The following GABPB1 variants were observed in gnomAD, a reference collection of about 807,000 sequenced individuals.
The protein encoded by GABPB1 is GA binding protein transcription factor subunit beta 1.
Under a neutral mutation model 45.9 loss-of-function variants are expected in GABPB1, and 15 were observed. The ratio of observed to expected loss-of-function variants is 0.33; its 90% CI spans 0.22 to 0.50. The LOEUF (loss-of-function observed/expected upper bound fraction) is 0.50, where lower values mean the gene tolerates loss of function less well. Among genes scored for constraint, GABPB1 ranks in the 20% least tolerant of loss-of-function variants. The probability of loss-of-function intolerance (pLI) is 0.98; values close to 1 mark genes in which losing one functional copy is unlikely to be tolerated. For missense variants in GABPB1, 252 were observed against 457.5 expected (o/e 0.55, Z 4.10); for synonymous variants, 143 against 154.4 (o/e 0.93, Z 0.55).
chr15:50,321,765 T>C (rs1029587853), intron 1 of GABPB1, among the ~76,000 whole-genome samples: 1 of 151,702 alleles, frequency 6.6e-6, no homozygotes, highest in Non-Finnish European at 1.5e-5. Context: ...TGGCACACAG[T>C]AGAAACTCCA....
At chr15:50,353,845 T>C (rs2048960960) in intron 1 of GABPB1, 1 of 153,318 alleles carries the variant, frequency 6.5e-6, no homozygotes, top group Admixed American at 6.5e-5. Context: ...ATCAAACCTT[T>C]TTCTAGATAA....
rs899308361 is a variant in GABPB1 at position 50,345,585 on chromosome 15, A to G, written c.-1+9400T>C. 3.5e-4 allele frequency among the ~76,000 whole-genome samples: 54 copies of G among 152,264 alleles called. 1 individual carries two copies. Among genetic ancestry groups the G allele is most frequent in the African/African-American group, 1.2e-3 (51 of 41,474 alleles). ...CGAAAAAAAAGTAAAAACTCACGGC[A>G]GCAATTGTAATTCAATTCTTAAAAT... On this transcript the variant is annotated intron_variant, in intron 1 of 8. Coordinates refer to ENST00000380877, the MANE Select transcript of GABPB1 (RefSeq NM_016654.5).
At chr15:50,292,818 T>C (rs2046392749) in intron 6 of GABPB1, among the ~76,000 whole-genome samples, 1 of 150,798 alleles carries the variant, frequency 6.6e-6, no homozygotes, top group Admixed American at 6.7e-5. Flanking sequence ...CCTACTTTCA[T>C]ATAACTTAGC....
At chr15:50,349,895 G>A (rs1029306256) in intron 1 of GABPB1, 1 of 152,152 alleles carries the variant, frequency 6.6e-6, no homozygotes, top group African/African-American at 2.4e-5. Context: ...ACAATCACCT[G>A]TAAAACTACA....
At chr15:50,282,227 A>G (rs1364145328) in intron 8 of GABPB1, 1 of 449,996 alleles carries the variant, frequency 2.2e-6, no homozygotes, top group Non-Finnish European at 4.4e-6. Flanking sequence ...ATACAAACAT[A>G]CATACATACA....
At chr15:50,327,176 A>T (rs2047799358) in intron 1 of GABPB1, 1 of 152,262 alleles carries the variant, frequency 6.6e-6, no homozygotes, top group Non-Finnish European at 1.5e-5. Flanking sequence ...TGATTTAATC[A>T]GGGAAGTATA....
chr15:50,322,413 G>A (rs2047604973), intron 1 of GABPB1, among the ~76,000 whole-genome samples: 1 of 151,698 alleles, frequency 6.6e-6, no homozygotes, highest in South Asian at 2.1e-4. Context: ...GGGCATGGTG[G>A]TGCATGCCTG....
At chr15:50,337,075 G>GTGTGTATATATATATA (rs1283881585) in intron 1 of GABPB1, among the ~76,000 whole-genome samples, 1 of 14,212 alleles carries the variant, frequency 7.0e-5, no homozygotes, top group Non-Finnish European at 1.3e-4. Context: ...ATATGTGTGT[G>GTGTGTATATATATATA]TATATATATA....
At chr15:50,310,545 G>C (rs1167407701) in intron 1 of GABPB1, among the ~76,000 whole-genome samples, 1 of 152,182 alleles carries the variant, frequency 6.6e-6, no homozygotes, top group East Asian at 1.9e-4. Flanking sequence ...TTTTGCAATA[G>C]TAAATGTGTT....
intron 5 of GABPB1, 77 bp from the exon 6 acceptor site, chr15:50,300,979 T>C (rs1481817249): frequency 6.3e-6 from 6 of 946,254 alleles, no homozygotes; most frequent in Non-Finnish European, 9.9e-6. Context: ...CTATTTATCT[T>C]ACTGACTCTT....
intron 1 of GABPB1, among the ~76,000 whole-genome samples, chr15:50,317,866 G>A (rs1392193415): frequency 1.3e-5 from 2 of 149,804 alleles, no homozygotes; most frequent in South Asian, 2.1e-4. Flanking sequence ...CCGAGATCGC[G>A]CCACCGCACT....
chr15:50,312,470 C>T (rs1341535327), intron 1 of GABPB1, among the ~76,000 whole-genome samples: 1 of 152,162 alleles, frequency 6.6e-6, no homozygotes, highest in Non-Finnish European at 1.5e-5. Context: ...GATTACTGAT[C>T]TCCAATGAGG....
intron 1 of GABPB1, among the ~76,000 whole-genome samples, chr15:50,328,354 T>C (rs1023041936): frequency 3.3e-5 from 5 of 152,172 alleles, no homozygotes; most frequent in Non-Finnish European, 7.4e-5. Flanking sequence ...CTCCCGTTTT[T>C]CTCCCTCATG....
At chr15:50,285,839 C>T in intron 8 of GABPB1, 3 of 1,305,410 alleles carry the variant, frequency 2.3e-6, no homozygotes, top group Non-Finnish European at 2.9e-6. Flanking sequence ...CCAGTGTTAT[C>T]AAGATGACAG....
chr15:50,283,927 C>T (rs912483519), intron 8 of GABPB1, among the ~76,000 whole-genome samples: 22 of 152,134 alleles, frequency 1.4e-4, no homozygotes, highest in African/African-American at 5.1e-4. Flanking sequence ...CTTTAAGTTT[C>T]TCAATCTCAG....
At chr15:50,324,034 T>A (rs1026744092) in intron 1 of GABPB1, among the ~76,000 whole-genome samples, 6 of 152,030 alleles carry the variant, frequency 3.9e-5, no homozygotes, top group Non-Finnish European at 8.8e-5. Context: ...AAACTCTATC[T>A]CTACAAAAAA....
At chr15:50,282,560 G>GAAAAAAAAAAAACA (rs2046014999) in intron 8 of GABPB1, among the ~76,000 whole-genome samples, 7 of 88,990 alleles carry the variant, frequency 7.9e-5, no homozygotes, top group Non-Finnish European at 1.4e-4. Context: ...CCTTAAAAAA[G>GAAAAAAAAAAAACA]AAAAAAAAAA....
rs571956373 is a variant in GABPB1 at position 50,280,571 on chromosome 15, C to T, written c.1000-1787G>A. 1.2e-4 allele frequency among the ~76,000 whole-genome samples: 18 copies of T among 152,064 alleles called. No homozygotes were observed. The East Asian group carries it at 3.5e-3, about 29-fold the overall frequency. On this transcript the variant is annotated intron_variant, in intron 8 of 8. Coordinates refer to ENST00000380877, the MANE Select transcript of GABPB1 (RefSeq NM_016654.5). ...TTTGAGACAAGCCTGGGCAACATGGCAAAACCCCTACAAAAAATACAAAAC... is the reference window on the plus strand; with the variant it reads ...TTTGAGACAAGCCTGGGCAACATGGTAAAACCCCTACAAAAAATACAAAAC...
intron 2 of GABPB1, among the ~76,000 whole-genome samples, chr15:50,305,151 G>C (rs978430119): frequency 5.9e-5 from 9 of 152,096 alleles, no homozygotes; most frequent in Non-Finnish European, 7.3e-5. Context: ...ATAACCCTCT[G>C]ATTACCACAT....
Sources: allele counts gnomAD v4.1 joint callset (sites outside exome capture counted in the v4.1 genomes callset), GRCh38; gene constraint gnomAD v4.1.1; transcripts MANE v1.5; gene names NCBI Gene and HGNC (gene_info 2026-07-23, HGNC 2026-07-21).